ADGRL3: variants seen among roughly 807,000 people sequenced by gnomAD.
ADGRL3 encodes calcium-independent alpha-latrotoxin receptor 3.
In ADGRL3, 62 loss-of-function variants were observed where a neutral mutation model predicts 153.5. The observed-to-expected ratio is 0.40, with a 90% confidence interval of 0.33 to 0.50. ADGRL3 has a LOEUF of 0.50. Among genes scored for constraint, ADGRL3 ranks in the 20% least tolerant of loss-of-function variants. ADGRL3 has a pLI of 0.47. For missense variants in ADGRL3, 1,641 were observed against 1,859.4 expected (o/e 0.88, Z 2.16); for synonymous variants, 710 against 672.5 (o/e 1.06, Z -0.86).
chr4:62,017,332 T>C (rs1399836164), intron 21 of ADGRL3, among the ~76,000 whole-genome samples: 1 of 151,912 alleles, frequency 6.6e-6, no homozygotes, highest in Admixed American at 6.6e-5. Context: ...AAAAAATGAA[T>C]GATTCCACCA....
chr4:61,670,448 A>G (rs1239971038), intron 5 of ADGRL3, among the ~76,000 whole-genome samples: 2 of 152,144 alleles, frequency 1.3e-5, no homozygotes, highest in African/African-American at 4.8e-5. Flanking sequence ...CAAGTATGTT[A>G]TAATCGAACA....
At chr4:61,416,879 C>T (rs925699050) in intron 2 of ADGRL3, among the ~76,000 whole-genome samples, 9 of 152,148 alleles carry the variant, frequency 5.9e-5, no homozygotes, top group African/African-American at 1.4e-4. Context: ...TTATACTGCT[C>T]GCCATAATGT....
intron 6 of ADGRL3, among the ~76,000 whole-genome samples, chr4:61,692,054 C>T (rs1177527940): frequency 3.3e-5 from 5 of 152,078 alleles, no homozygotes; most frequent in Non-Finnish European, 5.9e-5. Context: ...CTCTCCTACT[C>T]GATTTTCTCT....
chr4:61,532,546 G>A (rs1238978408), intron 4 of ADGRL3, among the ~76,000 whole-genome samples: 2 of 87,542 alleles, frequency 2.3e-5, no homozygotes, highest in Admixed American at 1.4e-4. Flanking sequence ...GCGCGCGCGC[G>A]CGCGCGCGCG....
intron 19 of ADGRL3, among the ~76,000 whole-genome samples, chr4:61,988,472 A>G (rs1374175985): frequency 2.0e-5 from 3 of 152,132 alleles, no homozygotes; most frequent in Non-Finnish European, 4.4e-5. Context: ...GATGCCATCA[A>G]TGTGATACTG....
intron 9 of ADGRL3, among the ~76,000 whole-genome samples, chr4:61,816,206 G>A (rs1206291385): frequency 6.6e-6 from 1 of 152,178 alleles, no homozygotes; most frequent in Non-Finnish European, 1.5e-5. Flanking sequence ...TCATGGATAA[G>A]ACAGTATAGT....
At chr4:61,759,431 A>G (rs1187016724) in intron 8 of ADGRL3, among the ~76,000 whole-genome samples, 2 of 152,040 alleles carry the variant, frequency 1.3e-5, no homozygotes, top group Non-Finnish European at 1.5e-5. Flanking sequence ...TTGATTTTCC[A>G]TCACTGATAC....
chr4:61,679,931 A>G (rs998048099), intron 6 of ADGRL3, among the ~76,000 whole-genome samples: 7 of 152,018 alleles, frequency 4.6e-5, no homozygotes, highest in Admixed American at 3.3e-4. Flanking sequence ...CAAGGGCCCA[A>G]GTCGTTTTTC....
chr4:61,394,288 A>G (rs1317189218), intron 2 of ADGRL3, among the ~76,000 whole-genome samples: 2 of 152,016 alleles, frequency 1.3e-5, no homozygotes, highest in Admixed American at 1.3e-4. Flanking sequence ...TATACATATC[A>G]TATTGTTCTC....
chr4:61,461,783 G>A (rs1462276412), intron 2 of ADGRL3, among the ~76,000 whole-genome samples: 2 of 152,088 alleles, frequency 1.3e-5, no homozygotes, highest in Non-Finnish European at 2.9e-5. Flanking sequence ...ACACTGTTGT[G>A]TAACAAATAA....
At chr4:61,495,281 GT>G (rs1178438820) in intron 2 of ADGRL3, among the ~76,000 whole-genome samples, 1 of 151,990 alleles carries the variant, frequency 6.6e-6, no homozygotes, top group Non-Finnish European at 1.5e-5. Flanking sequence ...AAAGACTTTG[GT>G]TTTTATTTTG....
chr4:61,399,998 C>A (rs2096911124), intron 2 of ADGRL3, among the ~76,000 whole-genome samples: 8 of 151,486 alleles, frequency 5.3e-5, no homozygotes, highest in Admixed American at 5.3e-4. Flanking sequence ...GCAAGTATAC[C>A]CCTGAGACAA....
chr4:61,373,216 G>A (rs34184605), intron 1 of ADGRL3, among the ~76,000 whole-genome samples: 33,914 of 152,114 alleles, frequency 0.22, 4,181 homozygotes, highest in Admixed American at 0.27. Flanking sequence ...GCTGTAGACC[G>A]GAGCTGTTCC....
intron 21 of ADGRL3, among the ~76,000 whole-genome samples, chr4:62,017,838 G>A (rs1199203651): frequency 1.3e-5 from 2 of 152,056 alleles, no homozygotes; most frequent in Admixed American, 6.6e-5. Flanking sequence ...CCTTTGTTGA[G>A]CATTTAATGT....
At chr4:61,226,456 T>G (rs2149102534) in intron 1 of ADGRL3, among the ~76,000 whole-genome samples, 1 of 152,278 alleles carries the variant, frequency 6.6e-6, no homozygotes, top group African/African-American at 2.4e-5. Flanking sequence ...AAATCTCTTG[T>G]TTTCTGTGCA....
At chr4:61,716,515 C>T (rs967305844) in intron 6 of ADGRL3, among the ~76,000 whole-genome samples, 3 of 152,058 alleles carry the variant, frequency 2.0e-5, no homozygotes, top group African/African-American at 7.2e-5. Context: ...TGAGTTTGCT[C>T]CATTTTCACA....
chr4:61,881,937 C>T (rs1028681596), intron 9 of ADGRL3, among the ~76,000 whole-genome samples: 18 of 152,170 alleles, frequency 1.2e-4, no homozygotes, highest in Non-Finnish European at 1.3e-4. Context: ...AACTACTTAA[C>T]GCCCTTGGTA....
chr4:61,609,776 G>A (rs373915859), intron 5 of ADGRL3, among the ~76,000 whole-genome samples: 3 of 152,066 alleles, frequency 2.0e-5, no homozygotes, highest in East Asian at 3.9e-4. Flanking sequence ...TATTAAATTA[G>A]GACCCTCCAG....
chr4:61,504,214 C>T (rs1218855878), intron 3 of ADGRL3, among the ~76,000 whole-genome samples: 1 of 152,122 alleles, frequency 6.6e-6, no homozygotes, highest in Admixed American at 6.5e-5. Flanking sequence ...AGGCTGGTCT[C>T]AAACTCTAGA....
Sources: gnomAD v4.1 joint callset for allele counts (sites outside exome capture counted in the v4.1 genomes callset) on GRCh38, gnomAD v4.1.1 for gene constraint, MANE v1.5 for transcripts, NCBI Gene and HGNC (gene_info 2026-07-23, HGNC 2026-07-21) for gene names.